POU6F2: variants seen among roughly 807,000 people sequenced by gnomAD.
POU6F2 encodes POU domain, class 6, transcription factor 2.
Under a neutral mutation model 71.3 loss-of-function variants are expected in POU6F2, and 31 were observed. The ratio of observed to expected loss-of-function variants is 0.43; its 90% CI spans 0.33 to 0.59. The LOEUF (loss-of-function observed/expected upper bound fraction) is 0.59. POU6F2 is among the 20% of genes least tolerant of loss of function. The probability of loss-of-function intolerance (pLI) is 0.04; values close to 1 mark genes in which losing one functional copy is unlikely to be tolerated. For synonymous variants in POU6F2, 347 were observed against 355.7 expected (o/e 0.98, Z 0.27); for missense variants, 783 against 856.8 (o/e 0.91, Z 1.07).
chr7:39,385,595 G>A (rs1786921221), intron 5 of POU6F2, among the ~76,000 whole-genome samples: 1 of 152,228 alleles, frequency 6.6e-6, no homozygotes, highest in Non-Finnish European at 1.5e-5. Flanking sequence ...TCATACCGAT[G>A]TCCCAAGGTA....
At chr7:39,286,154 A>C (rs1784646320) in intron 4 of POU6F2, among the ~76,000 whole-genome samples, 1 of 152,086 alleles carries the variant, frequency 6.6e-6, no homozygotes, top group South Asian at 2.1e-4. Flanking sequence ...GTGGGGAGGG[A>C]ACCTCTGAAA....
chr7:39,325,605 T>C (rs1172196437), intron 4 of POU6F2, among the ~76,000 whole-genome samples: 1 of 152,196 alleles, frequency 6.6e-6, no homozygotes, highest in Non-Finnish European at 1.5e-5. Flanking sequence ...TTTTTTAATC[T>C]GAACTGACAG....
intron 2 of POU6F2, among the ~76,000 whole-genome samples, chr7:39,164,383 AG>A (rs1793068326): frequency 7.6e-6 from 1 of 132,060 alleles, no homozygotes. Flanking sequence ...AGGGAGGGAC[AG>A]GGTGGCAGGG....
chr7:39,127,552 A>G (rs985509557), intron 2 of POU6F2, among the ~76,000 whole-genome samples: 3 of 152,194 alleles, frequency 2.0e-5, no homozygotes, highest in African/African-American at 7.2e-5. Context: ...TATATAATCC[A>G]TCAGATGGAG....
At chr7:39,079,125 C>T (rs1791060016) in intron 1 of POU6F2, among the ~76,000 whole-genome samples, 1 of 145,760 alleles carries the variant, frequency 6.9e-6, no homozygotes, top group Admixed American at 6.8e-5. Flanking sequence ...TTATATCTTT[C>T]AAAACATATT....
chr7:39,459,599 C>T (rs1300500777), intron 8 of POU6F2, among the ~76,000 whole-genome samples: 2 of 151,982 alleles, frequency 1.3e-5, no homozygotes, highest in East Asian at 1.9e-4. Context: ...TGGGCTATTG[C>T]GCAGAAAAAG....
At chr7:39,124,745 T>C (rs1479718589) in intron 2 of POU6F2, among the ~76,000 whole-genome samples, 3 of 152,298 alleles carry the variant, frequency 2.0e-5, no homozygotes, top group Non-Finnish European at 4.4e-5. Flanking sequence ...AGAACAACCC[T>C]GTTAGTGGAA....
At chr7:39,381,346 T>C (rs527998761) in intron 5 of POU6F2, among the ~76,000 whole-genome samples, 15 of 152,316 alleles carry the variant, frequency 9.8e-5, no homozygotes, top group African/African-American at 3.1e-4. Flanking sequence ...CAAGCTATTC[T>C]TGTGCTTCAG....
intron 1 of POU6F2, among the ~76,000 whole-genome samples, chr7:39,030,393 C>T (rs1462533044): frequency 4.7e-5 from 7 of 149,120 alleles, no homozygotes; most frequent in Non-Finnish European, 5.9e-5. Flanking sequence ...TTTACTTGGG[C>T]ATCCTCTCTT....
At chr7:39,190,417 T>TAA (rs57872350) in intron 2 of POU6F2, among the ~76,000 whole-genome samples, 11,680 of 59,854 alleles carry the variant, frequency 0.2, 1,944 homozygotes, top group East Asian at 0.58. Flanking sequence ...CTCCTTTTCT[T>TAA]AAAAAAAAAA....
chr7:39,073,376 T>TAAAAA (rs35194991), intron 1 of POU6F2, among the ~76,000 whole-genome samples: 1 of 133,200 alleles, frequency 7.5e-6, no homozygotes, highest in Non-Finnish European at 1.6e-5. Context: ...GAGAACCTAT[T>TAAAAA]AAAAAAAAAA....
chr7:39,246,447 A>T (rs911903020), intron 4 of POU6F2, among the ~76,000 whole-genome samples: 6 of 152,144 alleles, frequency 3.9e-5, no homozygotes, highest in Non-Finnish European at 8.8e-5. Flanking sequence ...CCCTACTGAA[A>T]GCGACTTTTA....
At position 39,170,804 on chromosome 7, in the gene POU6F2, GATC is replaced by G. The variant is rs527785121; in HGVS notation, c.278-33428_278-33426del. Among the ~76,000 whole-genome samples, 46 of 152,016 alleles carry G rather than the reference GATC, an allele frequency of 3.0e-4. 2 individuals carry two copies. In the South Asian group the frequency reaches 9.5e-3, roughly 32 times the overall value. On this transcript the variant is annotated intron_variant, in intron 2 of 9. Coordinates refer to ENST00000518318, the MANE Select transcript of POU6F2 (RefSeq NM_001370959.1). ...ACAGGTATCCCAATTACCCTGATGT[GATC>G]ATTACACATTGTATACATGTATCAA...
At chr7:38,999,224 C>G (rs1460287112) in intron 1 of POU6F2, among the ~76,000 whole-genome samples, 1 of 152,094 alleles carries the variant, frequency 6.6e-6, no homozygotes, top group African/African-American at 2.4e-5. Context: ...TCCCTCAGTC[C>G]TTGTAAAACT....
intron 2 of POU6F2, among the ~76,000 whole-genome samples, chr7:39,092,139 T>C (rs1222221676): frequency 6.6e-6 from 1 of 152,230 alleles, no homozygotes; most frequent in Non-Finnish European, 1.5e-5. Flanking sequence ...AAGAAAAAGA[T>C]AGCAAAGTGT....
chr7:39,229,894 G>A (rs1359251566), intron 4 of POU6F2, among the ~76,000 whole-genome samples: 3 of 152,166 alleles, frequency 2.0e-5, no homozygotes, highest in African/African-American at 7.2e-5. Context: ...TGCAGCTCAC[G>A]TTTATTGAGC....
chr7:39,002,300 A>G (rs1788937360), intron 1 of POU6F2, among the ~76,000 whole-genome samples: 1 of 152,036 alleles, frequency 6.6e-6, no homozygotes, highest in Non-Finnish European at 1.5e-5. Flanking sequence ...TGTTAATATA[A>G]GGTTGATTTT....
intron 6 of POU6F2, among the ~76,000 whole-genome samples, chr7:39,407,795 A>G (rs1479557090): frequency 6.6e-6 from 1 of 152,160 alleles, no homozygotes; most frequent in African/African-American, 2.4e-5. Flanking sequence ...TCTACATTCC[A>G]GGGAAAAAAA....
chr7:39,148,704 C>T (rs917915113), intron 2 of POU6F2, among the ~76,000 whole-genome samples: 3 of 151,912 alleles, frequency 2.0e-5, no homozygotes, highest in Admixed American at 2.0e-4. Flanking sequence ...TTGTCATCCT[C>T]CCATTTGCAA....
Sources: gnomAD v4.1 joint callset for allele counts (sites outside exome capture counted in the v4.1 genomes callset) on GRCh38, gnomAD v4.1.1 for gene constraint, MANE v1.5 for transcripts, NCBI Gene and HGNC (gene_info 2026-07-23, HGNC 2026-07-21) for gene names.